ANK3: variants seen among roughly 807,000 people sequenced by gnomAD.
The protein encoded by ANK3 is ankyrin 3, also known as ankyrin-3.
Under a neutral mutation model 370.9 loss-of-function variants are expected in ANK3, and 57 were observed. The observed-to-expected ratio is 0.15, with a 90% confidence interval of 0.12 to 0.19. ANK3 has a LOEUF of 0.19. Ranked by LOEUF, ANK3 falls within the 10% of genes least tolerant of loss-of-function variation. ANK3 has a pLI of 1.00. For missense variants in ANK3, 4,439 were observed against 5,302.1 expected (o/e 0.84, Z 5.06); for synonymous variants, 1,929 against 1,946.3 (o/e 0.99, Z 0.23).
chr10:60,416,129 C>G (rs1297681179), intron 2 of ANK3, among the ~76,000 whole-genome samples: 1 of 151,970 alleles, frequency 6.6e-6, no homozygotes, highest in African/African-American at 2.4e-5. Flanking sequence ...ATCTATGAAC[C>G]AGAAAATGGG....
intron 21 of ANK3, among the ~76,000 whole-genome samples, chr10:60,170,775 T>C (rs1591201067): frequency 1.3e-5 from 2 of 152,202 alleles, no homozygotes; most frequent in Admixed American, 1.3e-4. Context: ...TTTTTTGAAG[T>C]TGTAACTTAA....
chr10:60,470,691 T>G (rs1165926478), intron 2 of ANK3, among the ~76,000 whole-genome samples: 1 of 151,960 alleles, frequency 6.6e-6, no homozygotes, highest in African/African-American at 2.4e-5. Context: ...ACTGCAACCC[T>G]TCCAGAAAAG....
intron 2 of ANK3, among the ~76,000 whole-genome samples, chr10:60,528,529 A>AT (rs1435341023): frequency 6.6e-6 from 1 of 152,184 alleles, no homozygotes; most frequent in African/African-American, 2.4e-5. Flanking sequence ...TGAAACTGCC[A>AT]TTTTTACAAA....
chr10:60,344,446 G>C (rs532032539), intron 1 of ANK3, among the ~76,000 whole-genome samples: 1 of 152,290 alleles, frequency 6.6e-6, no homozygotes, highest in African/African-American at 2.4e-5. Flanking sequence ...TTTCACAGGA[G>C]ATGTGAGCAA....
intron 9 of ANK3, among the ~76,000 whole-genome samples, chr10:60,211,462 T>C (rs2096853156): frequency 6.6e-6 from 1 of 152,140 alleles, no homozygotes; most frequent in Admixed American, 6.5e-5. Context: ...GAAAGCTACT[T>C]TACCTCTTTG....
At chr10:60,427,220 C>A (rs1341423110) in intron 2 of ANK3, among the ~76,000 whole-genome samples, 1 of 151,970 alleles carries the variant, frequency 6.6e-6, no homozygotes, top group Non-Finnish European at 1.5e-5. Context: ...CAGAGAATAT[C>A]AAAATGGATA....
rs867530310 is a variant in ANK3, at chr10:60,300,197, T to C, written c.115-20558A>G. On this transcript the variant is annotated intron_variant, in intron 1 of 43. Transcript: ENST00000280772. ...CATATTTAACTCAAGTGATCCGTAG[T>C]GCAAACAGGTTAATTTGCTTCCTAC... The C allele has an allele frequency of 8.1e-6, 4 of 493,228 alleles. No individual in the cohort carries two copies. In the Middle Eastern group the frequency reaches 1.3e-3, roughly 159 times the overall value. The allele number at this position is 493,228 out of a possible 1,614,324, so 30.6% of individuals were successfully genotyped here. A position where few individuals can be genotyped will look rare whatever the true frequency, so the allele number is the denominator to read the frequency against.
At chr10:60,721,950 T>C (rs1387736619) in intron 1 of ANK3, among the ~76,000 whole-genome samples, 3 of 152,102 alleles carry the variant, frequency 2.0e-5, no homozygotes, top group Admixed American at 2.0e-4. Flanking sequence ...TTGCCAAGTG[T>C]ACATACATTT....
chr10:60,317,044 C>A (rs1344019764), intron 1 of ANK3, among the ~76,000 whole-genome samples: 1 of 152,184 alleles, frequency 6.6e-6, no homozygotes, highest in Non-Finnish European at 1.5e-5. Flanking sequence ...CCGTGCCTGG[C>A]CCCATATTCC....
chr10:60,692,804 G>A (rs1356345832), intron 1 of ANK3, among the ~76,000 whole-genome samples: 1 of 152,208 alleles, frequency 6.6e-6, no homozygotes, highest in East Asian at 1.9e-4. Context: ...GGTGTTAGCT[G>A]ATAGCTGATT....
At chr10:60,360,083 AAT>A (rs1174254916) in intron 1 of ANK3, among the ~76,000 whole-genome samples, 1 of 152,186 alleles carries the variant, frequency 6.6e-6, no homozygotes, top group African/African-American at 2.4e-5. Context: ...GGATCCATAA[AAT>A]AGTTTTGATA....
At chr10:60,144,029 A>G (rs1433677470) in intron 23 of ANK3, among the ~76,000 whole-genome samples, 1 of 152,228 alleles carries the variant, frequency 6.6e-6, no homozygotes, top group Non-Finnish European at 1.5e-5. Context: ...CTGCCATCCT[A>G]GCTGAGGTGT....
At chr10:60,384,634 G>A (rs2062002371) in intron 1 of ANK3, among the ~76,000 whole-genome samples, 1 of 152,200 alleles carries the variant, frequency 6.6e-6, no homozygotes, top group Admixed American at 6.5e-5. Flanking sequence ...CTCCTTGTCT[G>A]TAAGATGGGG....
intron 2 of ANK3, among the ~76,000 whole-genome samples, chr10:60,601,101 G>A (rs913355407): frequency 2.6e-5 from 4 of 151,744 alleles, no homozygotes; most frequent in African/African-American, 7.3e-5. Context: ...ACTAATAGAT[G>A]TCAAAAATAG....
chr10:60,040,319 A>T lies in ANK3; in HGVS notation c.*19+2353T>A, dbSNP rs560626323. 4.5e-4 allele frequency among the ~76,000 whole-genome samples: 68 copies of T among 152,012 alleles called. 4 individuals carry two copies. Among genetic ancestry groups the T allele is most frequent in the African/African-American group, 1.5e-3 (64 of 41,458 alleles). ...TTTTTTTTTTAAAGAGGCAGCCAGC[A>T]TGACTATAAAAACTCTCAATATATT... On this transcript the variant is annotated intron_variant, in intron 43 of 43. Transcript: ENST00000280772.
intron 2 of ANK3, among the ~76,000 whole-genome samples, chr10:60,409,536 A>G (rs1294208508): frequency 1.3e-5 from 2 of 152,198 alleles, no homozygotes; most frequent in Non-Finnish European, 2.9e-5. Context: ...GAAGCTTACA[A>G]AGTAGCTTTT....
intron 36 of ANK3, among the ~76,000 whole-genome samples, chr10:60,077,764 G>C (rs952317870): frequency 1.3e-5 from 2 of 152,100 alleles, no homozygotes; most frequent in South Asian, 4.1e-4. Context: ...AGGATATGTG[G>C]GGTGTGTGTA....
chr10:60,282,419 C>T (rs1183659993), intron 1 of ANK3, among the ~76,000 whole-genome samples: 1 of 152,098 alleles, frequency 6.6e-6, no homozygotes, highest in East Asian at 1.9e-4. Context: ...AACAAATCTT[C>T]GAATTCAGTG....
At position 60,070,575 on chromosome 10, in the gene ANK3, T is replaced by C. The variant is rs771747311; in HGVS notation, c.10306A>G (p.Ile3436Val). 1.9e-6 allele frequency: 3 copies of C among 1,614,160 alleles called. No homozygotes were observed. Among genetic ancestry groups the C allele is most frequent in the Non-Finnish European group, 2.5e-6 (3 of 1,180,034 alleles). Residue 3436 changes from isoleucine to valine, a missense_variant, in exon 37 of 44, where the codon ATT (isoleucine) becomes GTT (valine). Coordinates refer to ENST00000280772, the MANE Select transcript of ANK3 (RefSeq NM_020987.5). This position sits in a 1 kb window ranked among gnomAD's most constrained non-coding sequence, Gnocchi z 5.7. The stretch of plus-strand genomic sequence containing the variant: ...TCTTTCTTAATTTCCATGGCTTGAA[T>C]TGGGAGTTTAGAATCACTCTCTGTC... ...GLTESDSKLP[I>V]QAMEIKKDIW...
Sources: allele counts gnomAD v4.1 joint callset (sites outside exome capture counted in the v4.1 genomes callset), GRCh38; gene constraint gnomAD v4.1.1; non-coding constraint Gnocchi (gnomAD v3.1); transcripts MANE v1.5; gene names NCBI Gene and HGNC (gene_info 2026-07-23, HGNC 2026-07-21).